CAMK1D: variants seen among roughly 807,000 people sequenced by gnomAD.
CAMK1D encodes calcium/calmodulin dependent protein kinase ID, also known as calcium/calmodulin-dependent protein kinase type 1D.
Under a neutral mutation model 47.7 loss-of-function variants are expected in CAMK1D, and 9 were observed. That is an observed-to-expected ratio of 0.19 (90% CI 0.11 to 0.33). CAMK1D has a LOEUF of 0.33. Ranked by LOEUF, CAMK1D falls within the 10% of genes least tolerant of loss-of-function variation. The pLI is 1.00. For synonymous variants in CAMK1D, 184 were observed against 184.9 expected (o/e 0.99, Z 0.04); for missense variants, 291 against 488.7 (o/e 0.60, Z 3.81).
At chr10:12,710,836 T>C (rs905860425) in intron 3 of CAMK1D, among the ~76,000 whole-genome samples, 3 of 152,198 alleles carry the variant, frequency 2.0e-5, no homozygotes, top group African/African-American at 7.2e-5. Flanking sequence ...ACCGGCGATA[T>C]GTACCTCCGA....
intron 1 of CAMK1D, among the ~76,000 whole-genome samples, chr10:12,509,397 A>G (rs1395979851): frequency 6.6e-6 from 1 of 152,186 alleles, no homozygotes; most frequent in Non-Finnish European, 1.5e-5. Context: ...GTCTGGACAC[A>G]GGTGGAGTGA....
At chr10:12,458,104 G>A (rs1219124998) in intron 1 of CAMK1D, among the ~76,000 whole-genome samples, 1 of 152,096 alleles carries the variant, frequency 6.6e-6, no homozygotes, top group Non-Finnish European at 1.5e-5. Context: ...GCATTTCTTA[G>A]CTCAGAAGCA....
At chr10:12,522,802 A>T (rs1835467559) in intron 1 of CAMK1D, among the ~76,000 whole-genome samples, 1 of 138,410 alleles carries the variant, frequency 7.2e-6, no homozygotes, top group African/African-American at 2.7e-5. Context: ...CACCTCCCAG[A>T]CGGGGCGGCT....
chr10:12,714,667 C>T (rs890673934), intron 3 of CAMK1D, among the ~76,000 whole-genome samples: 11 of 151,650 alleles, frequency 7.3e-5, no homozygotes, highest in Admixed American at 3.3e-4. Flanking sequence ...TCCAGTGAGC[C>T]GAGATCACGC....
At chr10:12,631,990 G>A (rs181236093) in intron 2 of CAMK1D, among the ~76,000 whole-genome samples, 3 of 152,220 alleles carry the variant, frequency 2.0e-5, no homozygotes, top group East Asian at 1.9e-4. Context: ...CGAATGAACC[G>A]AGCTCTTAAC....
At chr10:12,419,916 G>T (rs1473669136) in intron 1 of CAMK1D, among the ~76,000 whole-genome samples, 4 of 151,382 alleles carry the variant, frequency 2.6e-5, no homozygotes, top group African/African-American at 9.7e-5. Context: ...TAATTAGATA[G>T]AATACTTTTT....
At chr10:12,749,790 G>A (rs538296563) in intron 3 of CAMK1D, among the ~76,000 whole-genome samples, 12 of 152,082 alleles carry the variant, frequency 7.9e-5, no homozygotes, top group African/African-American at 2.2e-4. Context: ...GAATTTCACC[G>A]TGTTGGCCAG....
At chr10:12,751,104 AAG>A in intron 3 of CAMK1D, among the ~76,000 whole-genome samples, 1 of 66,754 alleles carries the variant, frequency 1.5e-5, no homozygotes, top group African/African-American at 7.5e-5. Context: ...AAGATAAGAT[AAG>A]ATAAGATAAG....
intron 2 of CAMK1D, among the ~76,000 whole-genome samples, chr10:12,650,114 C>T (rs112161346): frequency 5.3e-5 from 8 of 152,344 alleles, no homozygotes; most frequent in African/African-American, 1.9e-4. Context: ...CACAGCAGTC[C>T]CTCCTCTACC....
intron 6 of CAMK1D, among the ~76,000 whole-genome samples, chr10:12,795,768 G>A (rs912059780): frequency 6.6e-6 from 1 of 152,146 alleles, no homozygotes; most frequent in Admixed American, 6.5e-5. Context: ...TTTGGAAGGA[G>A]AAGTATTTTT....
intron 2 of CAMK1D, among the ~76,000 whole-genome samples, chr10:12,652,986 A>G (rs1265940737): frequency 2.0e-5 from 3 of 152,200 alleles, no homozygotes; most frequent in Non-Finnish European, 4.4e-5. Flanking sequence ...GAAACTGGGT[A>G]GTTTATAAAG....
chr10:12,450,059 C>T (rs552854133), intron 1 of CAMK1D, among the ~76,000 whole-genome samples: 6 of 129,304 alleles, frequency 4.6e-5, no homozygotes, highest in African/African-American at 1.4e-4. Context: ...TACACCCATA[C>T]TAACAGTAGT....
intron 2 of CAMK1D, among the ~76,000 whole-genome samples, chr10:12,618,020 T>C (rs1455832107): frequency 2.0e-5 from 3 of 152,194 alleles, no homozygotes; most frequent in African/African-American, 4.8e-5. Flanking sequence ...TAGAATGCTG[T>C]CACTATTTAC....
At chr10:12,464,083 A>C (rs1311807664) in intron 1 of CAMK1D, among the ~76,000 whole-genome samples, 3 of 152,176 alleles carry the variant, frequency 2.0e-5, no homozygotes, top group Admixed American at 6.5e-5. Flanking sequence ...AGTTCTTTAT[A>C]ACAGTATGAA....
intron 2 of CAMK1D, among the ~76,000 whole-genome samples, chr10:12,579,986 C>A (rs1198451197): frequency 6.6e-6 from 1 of 152,168 alleles, no homozygotes; most frequent in African/African-American, 2.4e-5. Context: ...AGGGTGGAAT[C>A]CTTTAGGAGA....
At chr10:12,504,129 CTGTGTGTGTGTG>C (rs375226417) in intron 1 of CAMK1D, among the ~76,000 whole-genome samples, 2 of 146,440 alleles carry the variant, frequency 1.4e-5, no homozygotes, top group South Asian at 4.4e-4. Flanking sequence ...GTGTGTGTGT[CTGTGTGTGTGTG>C]TGTGTGTGTG....
intron 1 of CAMK1D, among the ~76,000 whole-genome samples, chr10:12,374,351 G>C (rs1838108174): frequency 6.6e-6 from 1 of 151,924 alleles, no homozygotes; most frequent in Non-Finnish European, 1.5e-5. Flanking sequence ...TACAGTAATG[G>C]TTAGGAGAGC....
intron 1 of CAMK1D, among the ~76,000 whole-genome samples, chr10:12,388,129 G>A (rs1046126224): frequency 6.6e-6 from 1 of 152,128 alleles, no homozygotes; most frequent in Admixed American, 6.5e-5. Context: ...CACCAAAGAA[G>A]ACCCTGGCTC....
chr10:12,701,276 A>G (rs945740068), intron 3 of CAMK1D, among the ~76,000 whole-genome samples: 5 of 152,104 alleles, frequency 3.3e-5, no homozygotes, highest in Non-Finnish European at 5.9e-5. Context: ...TTAGTGTCCA[A>G]AGGGTTTTTA....
Sources: gnomAD v4.1 joint callset for allele counts (sites outside exome capture counted in the v4.1 genomes callset) on GRCh38, gnomAD v4.1.1 for gene constraint, MANE v1.5 for transcripts, NCBI Gene and HGNC (gene_info 2026-07-23, HGNC 2026-07-21) for gene names.